Variants in SRP54 observed in about 807,000 individuals in gnomAD.
SRP54 encodes signal recognition particle 54.
Under a neutral mutation model 64.8 loss-of-function variants are expected in SRP54, and 10 were observed. The observed-to-expected ratio is 0.15, with a 90% CI of 0.10 to 0.26. The LOEUF (loss-of-function observed/expected upper bound fraction) is 0.26. Ranked by LOEUF, SRP54 falls within the 10% of genes least tolerant of loss-of-function variation. SRP54 has a pLI of 1.00. For synonymous variants in SRP54, 193 were observed against 185.6 expected, an observed-to-expected ratio of 1.04 and a Z score of -0.32; for missense variants, 325 against 613.7, an observed-to-expected ratio of 0.53 and a Z score of 4.97.
intron 1 of SRP54, among the ~76,000 whole-genome samples, chr14:34,993,008 C>T (rs1294885409): frequency 6.6e-6 from 1 of 151,968 alleles, no homozygotes; most frequent in Non-Finnish European, 1.5e-5. Context: ...TACCGGAGTG[C>T]ACCACCATAC....
intron 15 of SRP54, 69 bp downstream of exon 15, chr14:35,028,252 C>G: frequency 1.1e-6 from 1 of 931,542 alleles, no homozygotes; most frequent in Non-Finnish European, 1.7e-6. Context: ...AATGATAAGC[C>G]TTTTATTGTA....
At chr14:35,012,929 G>A (rs1405067807) in intron 8 of SRP54, among the ~76,000 whole-genome samples, 24 of 145,416 alleles carry the variant, frequency 1.7e-4, no homozygotes, top group Admixed American at 1.4e-3. Flanking sequence ...TATTTATAGT[G>A]TAAATGTTGT....
chr14:34,985,443 C>CT (rs2043880074), intron 1 of SRP54, among the ~76,000 whole-genome samples: 1 of 152,130 alleles, frequency 6.6e-6, no homozygotes, highest in Non-Finnish European at 1.5e-5. Flanking sequence ...TTTTCCTTCA[C>CT]TTGCCATAAC....
At chr14:35,016,876 CAG>C (rs1195102698) in intron 11 of SRP54, among the ~76,000 whole-genome samples, 2 of 117,190 alleles carry the variant, frequency 1.7e-5, no homozygotes, top group South Asian at 2.8e-4. Context: ...TTTTTTGAGA[CAG>C]AGTTTCACTC....
Position 34,991,212 on chromosome 14 carries a change from C to A in SRP54, c.-33-5465C>A, listed in dbSNP as rs1256708046. 2.0e-5 allele frequency among the ~76,000 whole-genome samples: 3 copies of A among 150,442 alleles called. No individual in the cohort carries two copies. The East Asian group carries it at 5.9e-4, about 29-fold the overall frequency. On this transcript the variant is annotated intron_variant, in intron 1 of 15. Coordinates refer to ENST00000216774, the MANE Select transcript of SRP54 (RefSeq NM_003136.4). ...TGGCACGATCTGGGCTCACTGTAAC[C>A]TCCACCTCCTGGGTTCAAGCGATTC...
intron 14 of SRP54, among the ~76,000 whole-genome samples, chr14:35,026,788 C>CA (rs1249025139): frequency 2.0e-5 from 3 of 151,914 alleles, no homozygotes; most frequent in Non-Finnish European, 2.9e-5. Context: ...ACTAAAAATA[C>CA]AAAAATTAGC....
chr14:35,009,553 A>C (rs1293469916), intron 7 of SRP54, among the ~76,000 whole-genome samples: 3 of 152,104 alleles, frequency 2.0e-5, no homozygotes, highest in African/African-American at 7.2e-5. Flanking sequence ...GGGATTGTGA[A>C]AATGTAGTGA....
intron 2 of SRP54, among the ~76,000 whole-genome samples, chr14:34,998,994 T>G (rs2044121378): frequency 1.0e-5 from 1 of 96,102 alleles, no homozygotes; most frequent in East Asian, 5.0e-4. Flanking sequence ...TGTGTGTGTG[T>G]GTGTGTGTGT....
chr14:35,008,687 A>C lies in SRP54; in HGVS notation c.421A>C (p.Arg141=). 6.2e-7 allele frequency: 1 copy of C among 1,607,618 alleles called. No individual in the cohort carries two copies. The highest frequency in any genetic ancestry group is 1.1e-5 in the South Asian group (1 of 89,140). ...KTCLICADTF[R]AGAFDQLKQN... ...CTGTTTAATATGTGCAGACACATTC[A>C]GAGCAGGTAATGTCTTGAAATTTGA... is the stretch of plus-strand genomic sequence containing the variant. Residue 141 remains arginine, a synonymous_variant, in exon 6 of 16, where the codon AGA becomes CGA. Coordinates refer to ENST00000216774, the MANE Select transcript of SRP54 (RefSeq NM_003136.4).
chr14:35,013,248 C>T (rs1595003945), intron 8 of SRP54, 98 bp from the exon 9 acceptor site: 1 of 1,191,724 alleles, frequency 8.4e-7, no homozygotes, highest in East Asian at 2.5e-5. Flanking sequence ...AGCCACTGCA[C>T]CTGGCTCTAA....
Position 35,006,685 on chromosome 14 carries a change from C to G in SRP54, c.256-598C>G, listed in dbSNP as rs144766162. On this transcript the variant is annotated intron_variant, in intron 4 of 15. Transcript: ENST00000216774. ...CATTTCTGTAGTGCTGATGTAGATT[C>G]CTCCTGTGGCTTAAATTTGGTTTCA... Among the ~76,000 whole-genome samples, 883 of 152,174 alleles carry G rather than the reference C, an allele frequency of 5.8e-3. 4 individuals are homozygous for G. Among genetic ancestry groups the G allele is most frequent in the Non-Finnish European group, 8.3e-3 (562 of 67,990 alleles).
At position 34,984,463 on chromosome 14, in the gene SRP54, C is replaced by T. The variant is rs142723095; in HGVS notation, c.-34+1248C>T. Among the ~76,000 whole-genome samples the T allele has an allele frequency of 3.0e-3, 459 of 152,228 alleles. 3 individuals are homozygous for T. Among genetic ancestry groups the T allele is most frequent in the African/African-American group, 0.011 (443 of 41,536 alleles). On this transcript the variant is annotated intron_variant, in intron 1 of 15. Transcript: ENST00000216774. Reference sequence around the variant, plus strand: ...TCTCGCTTGCTTCCATGGCATTGTCCCTATATGCCAACCATGTCCAAACCT... The same window carrying T: ...TCTCGCTTGCTTCCATGGCATTGTCTCTATATGCCAACCATGTCCAAACCT...
In SRP54 at chr14:35,028,956, GA is replaced by G. The variant is rs1420504588; in HGVS notation, c.1424-103del. The stretch of plus-strand genomic sequence containing the variant: ...AAGGCTGATGACTAAATTGCAATCA[GA>G]ATTCAGTATTTTTAGAAGTACTTAT... On this transcript the variant is annotated intron_variant, in intron 15 of 15. Coordinates refer to ENST00000216774, the MANE Select transcript of SRP54 (RefSeq NM_003136.4). The G allele has an allele frequency of 3.4e-5, 30 of 870,566 alleles. No homozygotes were observed. The South Asian group carries it at 4.8e-4, about 14-fold the overall frequency. The allele number at this position is 870,566 out of a possible 1,614,324, so 53.9% of individuals were successfully genotyped here.
chr14:35,019,855 A>G (rs753613770), intron 13 of SRP54, among the ~76,000 whole-genome samples: 29 of 152,192 alleles, frequency 1.9e-4, no homozygotes, highest in Admixed American at 3.9e-4. Flanking sequence ...CATTATATCT[A>G]AAAAACAATG....
At chr14:35,008,966 A>T in intron 7 of SRP54, 135 bp downstream of exon 7, 1 of 609,578 alleles carries the variant, frequency 1.6e-6, no homozygotes, top group South Asian at 2.5e-5. Context: ...GGCTCACTGC[A>T]ACCACCACCT....
At chr14:34,998,973 ATGTGTGTGTGTG>A (rs34646567) in intron 2 of SRP54, among the ~76,000 whole-genome samples, 57 of 63,696 alleles carry the variant, frequency 8.9e-4, no homozygotes, top group African/African-American at 2.4e-3. Context: ...CTTTGTGTGT[ATGTGTGTGTGTG>A]TGTGTGTGTG....
At chr14:35,027,995 TTTCTC>T (rs1306312914) in intron 14 of SRP54, 88 bp from the exon 15 acceptor site, 49 of 636,740 alleles carry the variant, frequency 7.7e-5, no homozygotes, top group Non-Finnish European at 1.2e-4. Flanking sequence ...TTCTTAGTAT[TTTCTC>T]AGTTCATCAA....
intron 1 of SRP54, among the ~76,000 whole-genome samples, chr14:34,984,429 C>T (rs1189458828): frequency 6.6e-6 from 1 of 152,048 alleles, no homozygotes; most frequent in Non-Finnish European, 1.5e-5. Context: ...ACAGGCTCTC[C>T]TCGAGGCTTC....
intron 1 of SRP54, among the ~76,000 whole-genome samples, chr14:34,990,411 C>T (rs2043960769): frequency 6.6e-6 from 1 of 151,746 alleles, no homozygotes; most frequent in Admixed American, 6.6e-5. Flanking sequence ...AGTCATTTTG[C>T]TTTTTTTTGG....
Sources: gnomAD v4.1 joint callset for allele counts (sites outside exome capture counted in the v4.1 genomes callset) on GRCh38, gnomAD v4.1.1 for gene constraint, MANE v1.5 for transcripts, NCBI Gene and HGNC (gene_info 2026-07-23, HGNC 2026-07-21) for gene names.